Variants in CAPRIN1 observed in about 807,000 individuals in gnomAD.
CAPRIN1 encodes the protein caprin-1.
A neutral mutation model predicts 100.9 loss-of-function variants in CAPRIN1; 29 were observed. The observed-to-expected ratio is 0.29, with a 90% confidence interval of 0.21 to 0.39. The LOEUF is 0.39. Ranked by LOEUF, CAPRIN1 falls within the 10% of genes least tolerant of loss-of-function variation. CAPRIN1 has a pLI of 1.00. For synonymous variants in CAPRIN1, 338 were observed against 307.5 expected, an observed-to-expected ratio of 1.10 and a Z score of -1.04; for missense variants, 795 against 876.7, an observed-to-expected ratio of 0.91 and a Z score of 1.18.
intron 15 of CAPRIN1, 152 bp downstream of exon 15, chr11:34,092,208 A>G: frequency 1.4e-6 from 1 of 714,682 alleles, no homozygotes; most frequent in Non-Finnish European, 2.2e-6. Context: ...CATGAGTTAA[A>G]TTGAGTCTGT....
intron 1 of CAPRIN1, 157 bp downstream of exon 1, chr11:34,052,028 C>T (rs1310080262): frequency 1.3e-5 from 2 of 151,652 alleles, no homozygotes. Context: ...CCCCCAAGCC[C>T]CGACCTCTCT....
At chr11:34,083,822 CT>C (rs1388090011) in intron 9 of CAPRIN1, among the ~76,000 whole-genome samples, 1 of 152,154 alleles carries the variant, frequency 6.6e-6, no homozygotes, top group African/African-American at 2.4e-5. Context: ...AACCCCAGCA[CT>C]TTGTGGGGCT....
chr11:34,084,540 G>A (rs531192681), intron 9 of CAPRIN1, among the ~76,000 whole-genome samples: 2 of 152,264 alleles, frequency 1.3e-5, no homozygotes, highest in East Asian at 1.9e-4. Flanking sequence ...CCCACACACC[G>A]AAGTCTGCTC....
chr11:34,086,056 T>C lies in CAPRIN1; in HGVS notation c.967-8T>C, dbSNP rs1590740662. 6.2e-7 allele frequency: 1 copy of C among 1,611,504 alleles called. No homozygotes were observed. The highest frequency in any genetic ancestry group is 8.5e-7 in the Non-Finnish European group (1 of 1,179,302). On this transcript the variant is annotated splice_polypyrimidine_tract_variant and splice_region_variant and intron_variant, in intron 9 of 18. Transcript: ENST00000341394. ...CTATTCCTTCTAATCCTTTTTTTTCTACCTTAGGTGGTAAATTCACTCCAG... is the reference window on the plus strand; with the variant it reads ...CTATTCCTTCTAATCCTTTTTTTTCCACCTTAGGTGGTAAATTCACTCCAG...
chr11:34,071,684 C>T, intron 2 of CAPRIN1, 42 bp from the exon 3 acceptor site: 1 of 1,428,902 alleles, frequency 7.0e-7, no homozygotes, highest in Non-Finnish European at 9.9e-7. Flanking sequence ...CTGGTATATA[C>T]CTTCAAAACG....
chr11:34,055,964 T>A (rs1225764424), intron 2 of CAPRIN1, among the ~76,000 whole-genome samples: 2 of 152,222 alleles, frequency 1.3e-5, no homozygotes, highest in Non-Finnish European at 2.9e-5. Flanking sequence ...TTTAAGCACA[T>A]CTGGTTTTTA....
intron 15 of CAPRIN1, among the ~76,000 whole-genome samples, chr11:34,093,204 A>ATTT (rs1015603114): frequency 2.0e-5 from 3 of 151,064 alleles, no homozygotes; most frequent in African/African-American, 7.3e-5. Context: ...TTATATATAT[A>ATTT]TTTTTTTAAG....
intron 6 of CAPRIN1, among the ~76,000 whole-genome samples, chr11:34,077,523 G>A (rs1274439385): frequency 2.6e-5 from 4 of 152,064 alleles, no homozygotes. Flanking sequence ...TTTTAAAAAG[G>A]GACATTTACG....
rs956269185 is a variant in CAPRIN1 at position 34,086,227 on chromosome 11, C to T, written c.1122+8C>T. The stretch of plus-strand genomic sequence containing the variant: ...CCCTATAATTTCATACAGGTATGTT[C>T]ATTTTAGTCAGACTCTGTAACAGAA... On this transcript the variant is annotated splice_region_variant and intron_variant, in intron 10 of 18. Coordinates refer to ENST00000341394, the MANE Select transcript of CAPRIN1 (RefSeq NM_005898.5). 6.2e-7 allele frequency: 1 copy of T among 1,613,196 alleles called. No homozygotes were observed. Among genetic ancestry groups the T allele is most frequent in the African/African-American group, 1.3e-5 (1 of 75,000 alleles).
Position 34,086,195 on chromosome 11 carries a change from G to T in CAPRIN1, c.1098G>T (p.Met366Ile). Reference protein sequence around the residue: ...RQRVQDLMAQMQGPYNFIQDS... With the variant: ...RQRVQDLMAQIQGPYNFIQDS... ...GAGTACAAGACCTTATGGCACAAAT[G>T]CAGGGTCCCTATAATTTCATACAGG... The change falls in exon 10 of 19, where the codon ATG (methionine) becomes ATT (isoleucine). Residue 366 changes from methionine (M) to isoleucine (I), a missense_variant. By Grantham distance (10) the Met-to-Ile change is conservative. This residue lies in a region of CAPRIN1 where 648 missense variants were observed against 697.9 expected (regional missense o/e 0.93). Coordinates refer to ENST00000341394, the MANE Select transcript of CAPRIN1 (RefSeq NM_005898.5). 6.2e-7 allele frequency: 1 copy of T among 1,614,084 alleles called. No homozygotes were observed. Among genetic ancestry groups the T allele is most frequent in the East Asian group, 2.2e-5 (1 of 44,882 alleles).
chr11:34,079,630 A>C lies in CAPRIN1; in HGVS notation c.691A>C (p.Lys231Gln). Residue 231 changes from lysine to glutamine, a missense_variant and splice_region_variant, in exon 7 of 19, where the codon AAA becomes CAA. Physicochemically the swap from Lys to Gln is moderately conservative, Grantham distance 53 (BLOSUM62 1). Around this residue, in one of 3 missense-constraint regions of CAPRIN1, gnomAD observed 648 missense variants for 697.9 expected, o/e 0.93. Coordinates refer to ENST00000341394, the MANE Select transcript of CAPRIN1 (RefSeq NM_005898.5). ...KEKPVCGTTY[K>Q]VLKEIVERVF... Reference sequence around the variant, plus strand: ...ATAATTCATGTTCTTTTTCTTAGATAAAGTTCTAAAGGAAATTGTTGAGCG... The same window carrying C: ...ATAATTCATGTTCTTTTTCTTAGATCAAGTTCTAAAGGAAATTGTTGAGCG... The C allele has an allele frequency of 6.2e-7, 1 of 1,612,886 alleles. No individual in the cohort carries two copies. Among genetic ancestry groups the C allele is most frequent in the South Asian group, 1.1e-5 (1 of 91,010 alleles).
chr11:34,056,483 C>G (rs184972847), intron 2 of CAPRIN1: 1 of 152,222 alleles, frequency 6.6e-6, no homozygotes, highest in East Asian at 1.9e-4. Context: ...TTTTTAAATT[C>G]AGGCTTATAA....
chr11:34,091,401 C>G (rs552174012), intron 14 of CAPRIN1, among the ~76,000 whole-genome samples: 13 of 152,252 alleles, frequency 8.5e-5, no homozygotes, highest in Admixed American at 3.9e-4. Flanking sequence ...ATTCTCATGC[C>G]TCAGCCTTTG....
intron 15 of CAPRIN1, among the ~76,000 whole-genome samples, chr11:34,092,745 ACT>A (rs1851286838): frequency 1.3e-5 from 2 of 151,990 alleles, no homozygotes; most frequent in Non-Finnish European, 2.9e-5. Context: ...TTAAGAAAAA[ACT>A]CATGGTGGCT....
Position 34,071,996 on chromosome 11 carries a change from A to G in CAPRIN1, c.366+9A>G, listed in dbSNP as rs1346107354. 1.3e-6 allele frequency: 2 copies of G among 1,550,454 alleles called. No homozygotes were observed. Among genetic ancestry groups the G allele is most frequent in the Non-Finnish European group, 1.8e-6 (2 of 1,125,510 alleles). ...TGGCACTAAGTCAAGATGTAAGTAA[A>G]AGAAAGTATACATATTTATGAAATA... On this transcript the variant is annotated intron_variant, in intron 4 of 18. Coordinates refer to ENST00000341394, the MANE Select transcript of CAPRIN1 (RefSeq NM_005898.5).
At chr11:34,070,508 C>T (rs2134102330) in intron 2 of CAPRIN1, among the ~76,000 whole-genome samples, 1 of 152,278 alleles carries the variant, frequency 6.6e-6, no homozygotes, top group East Asian at 1.9e-4. Flanking sequence ...GATTCTCCCA[C>T]CTCAACCTCC....
intron 2 of CAPRIN1, among the ~76,000 whole-genome samples, chr11:34,066,661 C>T (rs192973311): frequency 1.4e-4 from 21 of 149,000 alleles, no homozygotes; most frequent in Admixed American, 1.2e-3. Flanking sequence ...TTTTTTGAGA[C>T]GGAGTCTCAC....
intron 2 of CAPRIN1, among the ~76,000 whole-genome samples, chr11:34,054,076 A>G (rs1850395266): frequency 6.6e-6 from 1 of 152,246 alleles, no homozygotes; most frequent in South Asian, 2.1e-4. Context: ...TAAGTTGAAG[A>G]AAACTGGTGA....
At chr11:34,076,143 G>A in intron 4 of CAPRIN1, 93 bp from the exon 5 acceptor site, 7 of 812,838 alleles carry the variant, frequency 8.6e-6, no homozygotes, top group Non-Finnish European at 1.0e-5. Context: ...CACTCATTGA[G>A]TAAAACATGT....
Sources: gnomAD v4.1 joint callset for allele counts (sites outside exome capture counted in the v4.1 genomes callset) on GRCh38, gnomAD v4.1.1 for gene constraint, gnomAD v4.1.1 regional missense constraint, MANE v1.5 for transcripts, NCBI Gene and HGNC (gene_info 2026-07-23, HGNC 2026-07-21) for gene names.